The following NCBP3 variants were observed in gnomAD, a reference collection of about 807,000 sequenced individuals.
The protein encoded by NCBP3 is nuclear cap-binding protein subunit 3.
A neutral mutation model predicts 75.7 loss-of-function variants in NCBP3; 20 were observed. That is an observed-to-expected ratio of 0.26 (90% CI 0.19 to 0.38). The LOEUF (loss-of-function observed/expected upper bound fraction) is 0.38, where lower values mean the gene tolerates loss of function less well. Among genes scored for constraint, NCBP3 ranks in the 10% least tolerant of loss-of-function variants. NCBP3 has a pLI of 1.00. For synonymous variants in NCBP3, 293 were observed against 290.5 expected (o/e 1.01, Z -0.09); for missense variants, 678 against 796.9 (o/e 0.85, Z 1.80).
At chr17:3,842,587 A>G (rs373552821) in intron 2 of NCBP3, among the ~76,000 whole-genome samples, 1 of 152,272 alleles carries the variant, frequency 6.6e-6, no homozygotes, top group East Asian at 1.9e-4. Context: ...AAGTAGAGTG[A>G]TTTTATCCTT....
At position 3,810,209 on chromosome 17, in the gene NCBP3, G is replaced by A. The variant is rs2053388069; in HGVS notation, c.*2835C>T. The A allele has an allele frequency of 6.6e-6, 1 of 152,268 alleles. No homozygotes were observed. Among genetic ancestry groups the A allele is most frequent in the Non-Finnish European group, 1.5e-5 (1 of 68,056 alleles). The allele number at this position is 152,268 out of a possible 1,614,324, so 9.4% of individuals were successfully genotyped here. On this transcript the variant is annotated 3_prime_UTR_variant, in exon 13 of 13. Coordinates refer to ENST00000389005, the MANE Select transcript of NCBP3 (RefSeq NM_001114118.3). The stretch of plus-strand genomic sequence containing the variant: ...AAGGTTCATCCCGCTGCAGTGTGCA[G>A]AATGGAGACAGGGCAGAGACCAGTG...
rs1159702077 is a variant in NCBP3 at position 3,832,178 on chromosome 17, C to T, written c.356-2810G>A. 7.3e-4 allele frequency among the ~76,000 whole-genome samples: 61 copies of T among 84,070 alleles called. 10 individuals carry two copies. Among genetic ancestry groups the T allele is most frequent in the South Asian group, 4.0e-3 (8 of 2,016 alleles). 55.2% of individuals were successfully genotyped at this position (84,070 alleles called of 152,430 possible). A position where few individuals can be genotyped will look rare whatever the true frequency, so the allele number is the denominator to read the frequency against. On this transcript the variant is annotated intron_variant, in intron 3 of 12. Coordinates refer to ENST00000389005, the MANE Select transcript of NCBP3 (RefSeq NM_001114118.3). ...CAGACTGGGCGACAGGGCAAGACTC[C>T]GTCGCAAAAAAAAAAAAAAAAAAAA...
At chr17:3,815,217 C>T (rs947268797) in intron 11 of NCBP3, among the ~76,000 whole-genome samples, 3 of 152,164 alleles carry the variant, frequency 2.0e-5, no homozygotes, top group Non-Finnish European at 4.4e-5. Context: ...CCCACTCCAC[C>T]CTCAAGTTGT....
chr17:3,817,022 G>A (rs972049831), intron 10 of NCBP3, among the ~76,000 whole-genome samples: 10 of 150,746 alleles, frequency 6.6e-5, no homozygotes, highest in South Asian at 4.2e-4. Context: ...GCGACAGAGC[G>A]AGACTCCGTC....
rs1567581188 is a variant in NCBP3, at chr17:3,816,098, C to A, written c.1465+18G>T. 6.2e-7 allele frequency: 1 copy of A among 1,603,000 alleles called. No homozygotes were observed. Among genetic ancestry groups the A allele is most frequent in the East Asian group, 2.3e-5 (1 of 44,434 alleles). On this transcript the variant is annotated intron_variant, in intron 11 of 12. Coordinates refer to ENST00000389005, the MANE Select transcript of NCBP3 (RefSeq NM_001114118.3). ...CGGAGCTCAGAATCCAGCCAGGAAT[C>A]CAAGTGAGGAACAGTACCTGATTTA...
Position 3,841,414 on chromosome 17 carries a change from T to C in NCBP3, c.250-1209A>G, listed in dbSNP as rs1454842732. ...ATTTTCTTCACTGAAGTCTTCCTAG[T>C]ACAAACAACAATTTACCTTCCTTTA... On this transcript the variant is annotated intron_variant, in intron 2 of 12. Transcript: ENST00000389005. 5.3e-5 allele frequency among the ~76,000 whole-genome samples: 8 copies of C among 152,314 alleles called. No homozygotes were observed. The East Asian group carries it at 1.2e-3, about 22-fold the overall frequency.
chr17:3,816,978 G>A (rs937342725), intron 10 of NCBP3, among the ~76,000 whole-genome samples: 2 of 151,996 alleles, frequency 1.3e-5, no homozygotes, highest in African/African-American at 2.4e-5. Flanking sequence ...AGTGAGCCGA[G>A]ATCGTGTTAT....
In NCBP3 at chr17:3,813,409, G is replaced by T. The variant is rs1397664322; in HGVS notation, c.1628-130C>A. On this transcript the variant is annotated intron_variant, in intron 12 of 12. Transcript: ENST00000389005. ...GCAGTCTGTGGAGCCTGCCACCACAGTGCAGCCTTGGGCAGGCAAAATCTC... is the reference window on the plus strand; with the variant it reads ...GCAGTCTGTGGAGCCTGCCACCACATTGCAGCCTTGGGCAGGCAAAATCTC... The T allele has an allele frequency of 4.3e-6, 5 of 1,168,120 alleles. No individual in the cohort carries two copies. The South Asian group carries it at 7.4e-5, about 17-fold the overall frequency. 72.4% of individuals were successfully genotyped at this position (1,168,120 alleles called of 1,614,324 possible).
At position 3,814,607 on chromosome 17, in the gene NCBP3, GGCT is replaced by G. The variant is rs1356795825; in HGVS notation, c.1466-127_1466-125del. 142 of 911,346 alleles carry G rather than the reference GGCT, an allele frequency of 1.6e-4. 1 individual carries two copies. Among genetic ancestry groups the G allele is most frequent in the Non-Finnish European group, 2.2e-4 (133 of 607,086 alleles). The allele number at this position is 911,346 out of a possible 1,614,324, so 56.5% of individuals were successfully genotyped here. On this transcript the variant is annotated intron_variant, in intron 11 of 12. Coordinates refer to ENST00000389005, the MANE Select transcript of NCBP3 (RefSeq NM_001114118.3). ...CCGAGGACACAGGGCCTGACAATCA[GGCT>G]GCTAAGTATTCTTCCTTTGTAATCA... is the stretch of plus-strand genomic sequence containing the variant.
rs1179489342 is a variant in NCBP3 at position 3,802,680 on chromosome 17, G to C, written c.*10364C>G. 6.6e-6 allele frequency: 1 copy of C among 152,266 alleles called. No homozygotes were observed. Among genetic ancestry groups the C allele is most frequent in the East Asian group, 1.9e-4 (1 of 5,186 alleles). 9.4% of individuals were successfully genotyped at this position (152,266 alleles called of 1,614,324 possible). Reference sequence around the variant, plus strand: ...CCCCTCACTTCATTCTGCGCTCCAAGGGCACTGGGGAGAGTCACAGTGGTC... The same window carrying C: ...CCCCTCACTTCATTCTGCGCTCCAACGGCACTGGGGAGAGTCACAGTGGTC... On this transcript the variant is annotated 3_prime_UTR_variant, in exon 13 of 13. Coordinates refer to ENST00000389005, the MANE Select transcript of NCBP3 (RefSeq NM_001114118.3).
rs1295409814 is a variant in NCBP3 at position 3,832,465 on chromosome 17, C to G, written c.356-3097G>C. ...CCAACACGGTGAAACCCCGTCTCTA[C>G]TAAAAATACAAAACAATTAGCCAGG... On this transcript the variant is annotated intron_variant, in intron 3 of 12. Transcript: ENST00000389005. Among the ~76,000 whole-genome samples, 4 of 116,622 alleles carry G rather than the reference C, an allele frequency of 3.4e-5. 1 individual carries two copies. The highest frequency in any genetic ancestry group is 1.7e-4 in the Admixed American group (2 of 11,480). 76.5% of individuals were successfully genotyped at this position (116,622 alleles called of 152,430 possible). A position where few individuals can be genotyped will look rare whatever the true frequency, so the allele number is the denominator to read the frequency against.
intron 3 of NCBP3, among the ~76,000 whole-genome samples, chr17:3,839,153 C>CAT (rs1269422759): frequency 3.9e-5 from 6 of 152,202 alleles, no homozygotes; most frequent in Non-Finnish European, 5.9e-5. Context: ...AAAACTGCGG[C>CAT]AGATTACTAT....
Position 3,816,178 on chromosome 17 carries a change from T to C in NCBP3, c.1403A>G (p.His468Arg). ...GTGCTGACGTTTCTCATCTAATAGATGTCGGACATCTGCAAATTTCTCAGG... is the reference window on the plus strand; with the variant it reads ...GTGCTGACGTTTCTCATCTAATAGACGTCGGACATCTGCAAATTTCTCAGG... ...LPPEKFADVR[H>R]LLDEKRQHSR... Residue 468 changes from histidine to arginine, a missense_variant, in exon 11 of 13, where the codon CAT (histidine) becomes CGT (arginine). Physicochemically the swap from His to Arg is conservative, Grantham distance 29 (BLOSUM62 0). Around this residue, in one of 7 missense-constraint regions of NCBP3, gnomAD observed 365 missense variants for 392.7 expected, o/e 0.93. Coordinates refer to ENST00000389005, the MANE Select transcript of NCBP3 (RefSeq NM_001114118.3). 1.2e-6 allele frequency: 2 copies of C among 1,614,250 alleles called. No individual in the cohort carries two copies. Among genetic ancestry groups the C allele is most frequent in the Non-Finnish European group, 8.5e-7 (1 of 1,180,042 alleles).
At chr17:3,825,960 G>T (rs1202486243) in intron 5 of NCBP3, 117 bp from the exon 6 acceptor site, 2 of 1,411,018 alleles carry the variant, frequency 1.4e-6, no homozygotes, top group East Asian at 2.5e-5. Context: ...ATTTCCTGAT[G>T]ATCTCAAGCA....
chr17:3,829,420 C>T lies in NCBP3; in HGVS notation c.356-52G>A, dbSNP rs867464763. On this transcript the variant is annotated intron_variant, in intron 3 of 12. Transcript: ENST00000389005. Reference sequence around the variant, plus strand: ...GATAGAATTTTCCTGTCCGCAACTGCACATCCCATCCACACTCCTTCCTAA... The same window carrying T: ...GATAGAATTTTCCTGTCCGCAACTGTACATCCCATCCACACTCCTTCCTAA... The T allele has an allele frequency of 1.4e-4, 214 of 1,539,002 alleles. 1 individual carries two copies. The Middle Eastern group carries it at 2.2e-3, about 16-fold the overall frequency.
intron 1 of NCBP3, among the ~76,000 whole-genome samples, chr17:3,845,731 C>A (rs549868506): frequency 1.3e-5 from 2 of 152,266 alleles, no homozygotes; most frequent in South Asian, 4.1e-4. Flanking sequence ...ATCCTTCCAG[C>A]CCCTCCTCAC....
chr17:3,843,065 A>C, intron 2 of NCBP3, 21 bp downstream of exon 2: 1 of 1,537,462 alleles, frequency 6.5e-7, no homozygotes, highest in Non-Finnish European at 8.8e-7. Context: ...AGCTGAATAA[A>C]TAAATCATAG....
At chr17:3,837,844 A>G (rs567125105) in intron 3 of NCBP3, among the ~76,000 whole-genome samples, 15 of 152,184 alleles carry the variant, frequency 9.9e-5, no homozygotes, top group African/African-American at 3.4e-4. Context: ...AGGGCTCAGG[A>G]ACACTATCCT....
intron 9 of NCBP3, among the ~76,000 whole-genome samples, chr17:3,820,760 A>C (rs2053646285): frequency 1.3e-5 from 2 of 152,244 alleles, no homozygotes; most frequent in South Asian, 2.1e-4. Flanking sequence ...GTGAAACCCC[A>C]TCTCTACTAA....
Sources: allele counts gnomAD v4.1 joint callset (sites outside exome capture counted in the v4.1 genomes callset), GRCh38; gene constraint gnomAD v4.1.1; regional missense constraint gnomAD v4.1.1; transcripts MANE v1.5; gene names NCBI Gene and HGNC (gene_info 2026-07-23, HGNC 2026-07-21).